The following PAM16 variants were observed in gnomAD, a reference collection of about 807,000 sequenced individuals.
The protein encoded by PAM16 is presequence translocase associated motor 16.
Under a neutral mutation model 17.9 loss-of-function variants are expected in PAM16, and 11 were observed. That is an observed-to-expected ratio of 0.62 (90% CI 0.39 to 1.02). PAM16 has a LOEUF of 1.02. Among genes scored for constraint, PAM16 ranks in the 50% least tolerant of loss-of-function variants. The pLI is 0.01. For missense variants in PAM16, 199 were observed against 165.4 expected, an observed-to-expected ratio of 1.20 and a Z score of -1.11; for synonymous variants, 72 against 67.4, an observed-to-expected ratio of 1.07 and a Z score of -0.34.
chr16:4,340,814 G>C (rs370800468), intron 4 of PAM16, 106 bp downstream of exon 4: 4 of 1,403,620 alleles, frequency 2.8e-6, no homozygotes. Flanking sequence ...ACAGTTTTCT[G>C]TGTGCCAAGC....
chr16:4,350,154 G>A (rs1229106517), intron 1 of PAM16, among the ~76,000 whole-genome samples: 1 of 151,276 alleles, frequency 6.6e-6, no homozygotes. Flanking sequence ...TTGCCCTGTC[G>A]CCCAGACTGG....
intron 1 of PAM16, among the ~76,000 whole-genome samples, chr16:4,350,768 G>C (rs2053839884): frequency 1.3e-5 from 2 of 152,140 alleles, no homozygotes; most frequent in Admixed American, 6.5e-5. Flanking sequence ...CTGGCTCTAC[G>C]TGCCAACGAT....
rs1340856785 is a variant in PAM16 at position 4,343,360 on chromosome 16, C to T, written c.4-69G>A. The stretch of plus-strand genomic sequence containing the variant: ...GGCCCACAGAGATGGGCCCTGGAAA[C>T]GGCTGCCGAGGGGCAAGGCTCCCGG... On this transcript the variant is annotated intron_variant, in intron 1 of 4. Transcript: ENST00000318059. 27 of 1,538,752 alleles carry T rather than the reference C, an allele frequency of 1.8e-5. No homozygotes were observed. In the Admixed American group the frequency reaches 3.7e-4, roughly 21 times the overall value.
chr16:4,344,133 A>G (rs1403109746), intron 1 of PAM16: 1 of 396,156 alleles, frequency 2.5e-6, no homozygotes, highest in Admixed American at 4.5e-5. Flanking sequence ...CTAAGATGTG[A>G]GCGGAAGCAA....
chr16:4,343,362 G>T (rs1315564095), intron 1 of PAM16, 71 bp from the exon 2 acceptor site: 8 of 1,536,596 alleles, frequency 5.2e-6, no homozygotes, highest in Non-Finnish European at 7.0e-6. Context: ...CCTGGAAACG[G>T]CTGCCGAGGG....
intron 1 of PAM16, among the ~76,000 whole-genome samples, chr16:4,349,116 C>T (rs576060316): frequency 3.9e-5 from 6 of 152,144 alleles, no homozygotes; most frequent in South Asian, 4.1e-4. Flanking sequence ...CCACCACACC[C>T]GGCTAATTTT....
intron 1 of PAM16, chr16:4,344,181 G>GGTGAGAGGAGGGGGTTCTGT (rs1567230807): frequency 2.2e-5 from 8 of 370,488 alleles, no homozygotes; most frequent in Admixed American, 5.0e-5. Context: ...GATGGGATTC[G>GGTGAGAGGAGGGGGTTCTGT]GTGAGAGGAG....
intron 2 of PAM16, among the ~76,000 whole-genome samples, chr16:4,342,761 C>A (rs2141143614): frequency 6.6e-6 from 1 of 152,160 alleles, no homozygotes; most frequent in Non-Finnish European, 1.5e-5. Flanking sequence ...GCGTTCCAGA[C>A]CAGCATGGCC....
chr16:4,344,924 C>T (rs1395207293), intron 1 of PAM16, among the ~76,000 whole-genome samples: 3 of 151,862 alleles, frequency 2.0e-5, no homozygotes, highest in Admixed American at 2.0e-4. Context: ...AATACTAGGG[C>T]TTTCTAGGCA....
At position 4,343,256 on chromosome 16, in the gene PAM16, C is replaced by T; in HGVS notation, c.39G>A (p.Val13=). ...KYLAQIIVMG[V]QVVGRAFARA... ...GTGCAAAGGCCCTGCCCACCACCTGCACGCCCATCACAATGATCTGGGCCA... is the reference window on the plus strand; with the variant it reads ...GTGCAAAGGCCCTGCCCACCACCTGTACGCCCATCACAATGATCTGGGCCA... The change falls in exon 2 of 5, where the codon GTG becomes GTA. Residue 13 remains valine, a synonymous_variant. Transcript: ENST00000318059. The T allele has an allele frequency of 6.2e-7, 1 of 1,612,732 alleles. No homozygotes were observed. The highest frequency in any genetic ancestry group is 2.2e-5 in the East Asian group (1 of 44,886).
intron 3 of PAM16, 68 bp downstream of exon 3, chr16:4,341,300 C>A: frequency 6.6e-7 from 1 of 1,524,928 alleles, no homozygotes; most frequent in South Asian, 1.2e-5. Context: ...CCTGGCCAGG[C>A]CTCCCTTCAC....
intron 1 of PAM16, chr16:4,348,371 G>C (rs964916981): frequency 6.6e-6 from 1 of 152,252 alleles, no homozygotes; most frequent in Non-Finnish European, 1.5e-5. Flanking sequence ...CTCCACCGCC[G>C]CCTGCAGATT....
rs947041169 is a variant in PAM16 at position 4,343,310 on chromosome 16, C to A, written c.4-19G>T. 2 of 1,592,596 alleles carry A rather than the reference C, an allele frequency of 1.3e-6. No individual in the cohort carries two copies. Among genetic ancestry groups the A allele is most frequent in the African/African-American group, 2.7e-5 (2 of 74,294 alleles). On this transcript the variant is annotated intron_variant, in intron 1 of 4. Transcript: ENST00000318059. The stretch of plus-strand genomic sequence containing the variant: ...ACTTGGCCTGTGGGCAAAGCAGGCA[C>A]CCGGTTAGCAGGCCACTCCCTGTGG...
At chr16:4,343,737 G>A (rs939600868) in intron 1 of PAM16, 3 of 432,220 alleles carry the variant, frequency 6.9e-6, no homozygotes, top group South Asian at 9.1e-5. Flanking sequence ...CTTTACCAAC[G>A]GGGAAACAGA....
intron 3 of PAM16, 48 bp from the exon 4 acceptor site, chr16:4,341,033 A>G (rs1249192932): frequency 1.2e-6 from 2 of 1,609,932 alleles, no homozygotes; most frequent in Non-Finnish European, 1.7e-6. Context: ...TGCAGGCAAG[A>G]GATGTTGGGC....
intron 1 of PAM16, among the ~76,000 whole-genome samples, chr16:4,349,500 C>T (rs1328683470): frequency 6.6e-6 from 1 of 152,132 alleles, no homozygotes; most frequent in Non-Finnish European, 1.5e-5. Flanking sequence ...ATGGGAGGAT[C>T]ACCTAAGCCC....
At position 4,341,495 on chromosome 16, in the gene PAM16, G is replaced by A. The variant is rs761494354; in HGVS notation, c.98C>T (p.Ala33Val). ...AGCGCGTCCTCGGGCATCAGCTGCGGCCCGGCTGGCTGTGTGGACATGTGG... is the reference window on the plus strand; with the variant it reads ...AGCGCGTCCTCGGGCATCAGCTGCGACCCGGCTGGCTGTGTGGACATGTGG... ...ALRQEFAASR[A>V]AADARGRAGH... Residue 33 changes from alanine to valine, a missense_variant, in exon 3 of 5, where the codon GCC (alanine) becomes GTC (valine). By Grantham distance (64) the Ala-to-Val change is moderately conservative. Transcript: ENST00000318059. 15 of 1,608,280 alleles carry A rather than the reference G, an allele frequency of 9.3e-6. No homozygotes were observed. The highest frequency in any genetic ancestry group is 1.7e-5 in the Admixed American group (1 of 59,700).
intron 3 of PAM16, 120 bp from the exon 4 acceptor site, chr16:4,341,105 C>G: frequency 7.4e-7 from 1 of 1,353,840 alleles, no homozygotes; most frequent in Non-Finnish European, 1.0e-6. Flanking sequence ...GTGCCACACC[C>G]AGCTGTTGTG....
intron 2 of PAM16, 33 bp downstream of exon 2, chr16:4,343,174 C>T (rs571940809): frequency 1.4e-5 from 22 of 1,612,250 alleles, no homozygotes; most frequent in Non-Finnish European, 1.5e-5. Context: ...GAGAGGAACT[C>T]CCAGCCCACA....
Sources: gnomAD v4.1 joint callset for allele counts (sites outside exome capture counted in the v4.1 genomes callset) on GRCh38, gnomAD v4.1.1 for gene constraint, MANE v1.5 for transcripts, NCBI Gene and HGNC (gene_info 2026-07-23, HGNC 2026-07-21) for gene names.